Variants in ULBP1 observed in about 807,000 individuals in gnomAD.
ULBP1 encodes UL16-binding protein 1.
Under a neutral mutation model 25.3 loss-of-function variants are expected in ULBP1, and 28 were observed. That is an observed-to-expected ratio of 1.10 (90% CI 0.82 to 1.51). The LOEUF is 1.51. Ranked by LOEUF, ULBP1 falls within the 40% of genes most tolerant of loss-of-function variation. ULBP1 has a pLI of 0.00. For missense variants in ULBP1, 348 were observed against 290.9 expected (o/e 1.20, Z -1.43); for synonymous variants, 129 against 103.0 (o/e 1.25, Z -1.53).
Position 149,963,991 on chromosome 6 carries a change from T to A in ULBP1, c.-59T>A. 6.4e-7 allele frequency: 1 copy of A among 1,568,868 alleles called. No individual in the cohort carries two copies. Among genetic ancestry groups the A allele is most frequent in the Non-Finnish European group, 8.8e-7 (1 of 1,142,642 alleles). The stretch of plus-strand genomic sequence containing the variant: ...GGCTGGGCAGCTTTATAAACAGCCG[T>A]GGTGTGAGCCTCGAAGGGAACCATC... On this transcript the variant is annotated 5_prime_UTR_variant, in exon 1 of 5. Coordinates refer to ENST00000229708, the MANE Select transcript of ULBP1 (RefSeq NM_025218.4).
chr6:149,966,669 T>A (rs1348348727), intron 1 of ULBP1, among the ~76,000 whole-genome samples: 1 of 152,116 alleles, frequency 6.6e-6, no homozygotes, highest in African/African-American at 2.4e-5. Flanking sequence ...GTGGGGCCTA[T>A]ATTCCTAATG....
At position 149,970,053 on chromosome 6, in the gene ULBP1, G is replaced by A. The variant is rs115336002; in HGVS notation, c.663G>A (p.Lys221=). ...TGGCCCCAGGCACAACCCAACCCAA[G>A]GCCATGGCCACCACCCTCAGTCCCT... ...PSLAPGTTQP[K]AMATTLSPWS... is the part of the protein sequence containing the mutation. The change falls in exon 4 of 5, where the codon AAG becomes AAA. Residue 221 remains lysine, a synonymous_variant. Coordinates refer to ENST00000229708, the MANE Select transcript of ULBP1 (RefSeq NM_025218.4). 1,038 of 1,613,604 alleles carry A rather than the reference G, an allele frequency of 6.4e-4. 5 individuals carry two copies. The African/African-American group carries it at 0.012, about 19-fold the overall frequency.
At chr6:149,968,572 C>T in intron 1 of ULBP1, 35 bp from the exon 2 acceptor site, 1 of 1,583,096 alleles carries the variant, frequency 6.3e-7, no homozygotes, top group Admixed American at 1.7e-5. Context: ...CCATTTCCCC[C>T]CACACCAACC....
intron 1 of ULBP1, 41 bp downstream of exon 1, chr6:149,964,175 C>T: frequency 6.2e-7 from 1 of 1,610,874 alleles, no homozygotes; most frequent in Non-Finnish European, 8.5e-7. Flanking sequence ...GGGGGCCAAA[C>T]CTGGGAGGTT....
At chr6:149,968,543 G>A (rs777137051) in intron 1 of ULBP1, 64 bp from the exon 2 acceptor site, 4 of 1,550,384 alleles carry the variant, frequency 2.6e-6, no homozygotes, top group Non-Finnish European at 2.6e-6. Context: ...ACCATAAGTG[G>A]GAGGAGGGGA....
At chr6:149,965,509 C>T (rs1197060540) in intron 1 of ULBP1, among the ~76,000 whole-genome samples, 1 of 152,192 alleles carries the variant, frequency 6.6e-6, no homozygotes, top group Non-Finnish European at 1.5e-5. Flanking sequence ...TGGTGCAGAC[C>T]CGCAGCCCCA....
intron 3 of ULBP1, among the ~76,000 whole-genome samples, chr6:149,969,792 A>G (rs1203207198): frequency 6.6e-6 from 1 of 152,074 alleles, no homozygotes; most frequent in Non-Finnish European, 1.5e-5. Flanking sequence ...AGGAGGGTGG[A>G]CTGTGCTGTC....
At chr6:149,968,033 T>C (rs2114710501) in intron 1 of ULBP1, among the ~76,000 whole-genome samples, 1 of 152,184 alleles carries the variant, frequency 6.6e-6, no homozygotes, top group East Asian at 1.9e-4. Flanking sequence ...ATGTAGAAGT[T>C]CTGGGTTTTC....
rs1224061040 is a variant in ULBP1 at position 149,972,441 on chromosome 6, G to C, written c.*1095G>C. 3 of 152,140 alleles carry C rather than the reference G, an allele frequency of 2.0e-5. No individual in the cohort carries two copies. Among genetic ancestry groups the C allele is most frequent in the African/African-American group, 7.2e-5 (3 of 41,490 alleles). 9.4% of individuals were successfully genotyped at this position (152,140 alleles called of 1,614,324 possible). ...CTAAGAAATACCAATGTGGACATAG[G>C]GCCTGGCAAAGATTTCATGAAGAAG... is the stretch of plus-strand genomic sequence containing the variant. On this transcript the variant is annotated 3_prime_UTR_variant, in exon 5 of 5. Transcript: ENST00000229708.
At chr6:149,968,956 G>T (rs1779256217) in intron 2 of ULBP1, 86 bp downstream of exon 2, 1 of 1,555,604 alleles carries the variant, frequency 6.4e-7, no homozygotes, top group African/African-American at 1.4e-5. Context: ...TCAGAAGTTT[G>T]TGTCACCCAA....
chr6:149,964,571 G>A (rs1779162999), intron 1 of ULBP1, among the ~76,000 whole-genome samples: 1 of 150,004 alleles, frequency 6.7e-6, no homozygotes. Flanking sequence ...CGATCTCCCC[G>A]AACATCGCGG....
Position 149,972,995 on chromosome 6 carries a change from G to T in ULBP1, c.*1649G>T, listed in dbSNP as rs1267331810. 3 of 152,130 alleles carry T rather than the reference G, an allele frequency of 2.0e-5. No individual in the cohort carries two copies. Among genetic ancestry groups the T allele is most frequent in the Non-Finnish European group, 4.4e-5 (3 of 68,026 alleles). The allele number at this position is 152,130 out of a possible 1,614,324, so 9.4% of individuals were successfully genotyped here. A position where few individuals can be genotyped will look rare whatever the true frequency, so the allele number is the denominator to read the frequency against. On this transcript the variant is annotated 3_prime_UTR_variant, in exon 5 of 5. Coordinates refer to ENST00000229708, the MANE Select transcript of ULBP1 (RefSeq NM_025218.4). ...TACTCGGGATATACCCACAGGAAAA[G>T]AATTCATTTTATCAAAAAGACACCT...
At chr6:149,967,778 A>G (rs1307301633) in intron 1 of ULBP1, among the ~76,000 whole-genome samples, 1 of 151,946 alleles carries the variant, frequency 6.6e-6, no homozygotes, top group African/African-American at 2.4e-5. Context: ...CATCCCCATT[A>G]CTACTGGGAG....
At chr6:149,967,701 T>C (rs941047575) in intron 1 of ULBP1, among the ~76,000 whole-genome samples, 2 of 152,148 alleles carry the variant, frequency 1.3e-5, no homozygotes. Flanking sequence ...ATTATTTACA[T>C]CATTGCACCC....
At chr6:149,970,728 G>GT (rs1282888463) in intron 4 of ULBP1, among the ~76,000 whole-genome samples, 4 of 152,346 alleles carry the variant, frequency 2.6e-5, no homozygotes, top group Non-Finnish European at 4.4e-5. Flanking sequence ...AAAAGGCCAG[G>GT]CCCCTTGGAC....
intron 1 of ULBP1, among the ~76,000 whole-genome samples, chr6:149,964,833 C>G (rs1314889999): frequency 7.6e-6 from 1 of 132,262 alleles, no homozygotes; most frequent in East Asian, 2.7e-4. Context: ...ACATCGCCGT[C>G]CCCCCGAGTA....
rs1390585275 is a variant in ULBP1, at chr6:149,968,780, T to C, written c.259T>C (p.Trp87Arg). ...GAAGAAAGTCAATGTCACAAAAACC[T>C]GGGAAGAACAAACTGAAACACTAAG... ...LGKKVNVTKT[W>R]EEQTETLRDV... The change falls in exon 2 of 5, where the codon TGG (tryptophan) becomes CGG (arginine). Residue 87 changes from tryptophan (W) to arginine (R), a missense_variant. By Grantham distance (101) the Trp-to-Arg change is moderately radical. Transcript: ENST00000229708. 2 of 1,614,028 alleles carry C rather than the reference T, an allele frequency of 1.2e-6. No individual in the cohort carries two copies. The highest frequency in any genetic ancestry group is 1.7e-6 in the Non-Finnish European group (2 of 1,179,980).
At chr6:149,966,484 C>T (rs1198530433) in intron 1 of ULBP1, among the ~76,000 whole-genome samples, 2 of 152,146 alleles carry the variant, frequency 1.3e-5, no homozygotes, top group East Asian at 1.9e-4. Context: ...TGGGTGGCAT[C>T]ATAGGTCCCT....
intron 1 of ULBP1, among the ~76,000 whole-genome samples, chr6:149,967,315 A>G (rs1582825055): frequency 2.0e-5 from 3 of 152,206 alleles, no homozygotes; most frequent in African/African-American, 4.8e-5. Flanking sequence ...GGTATTTGCC[A>G]TTTCATGGCA....
Sources: allele counts gnomAD v4.1 joint callset (sites outside exome capture counted in the v4.1 genomes callset), GRCh38; gene constraint gnomAD v4.1.1; transcripts MANE v1.5; gene names NCBI Gene and HGNC (gene_info 2026-07-23, HGNC 2026-07-21).